Variants in RBFOX1 observed in about 807,000 individuals in gnomAD.
RBFOX1 encodes RNA binding protein fox-1 homolog 1.
In RBFOX1, 8 loss-of-function variants were observed where a neutral mutation model predicts 57.7. That is an observed-to-expected ratio of 0.14 (90% confidence interval 0.08 to 0.25). The LOEUF is 0.25. RBFOX1 is among the 10% of genes least tolerant of loss of function. RBFOX1 has a pLI of 1.00. For missense variants in RBFOX1, 611 were observed against 548.5 expected (o/e 1.11, Z -1.14); for synonymous variants, 326 against 222.4 (o/e 1.47, Z -4.15).
At chr16:7,048,258 T>TTTTG (rs557551646) in intron 3 of RBFOX1, among the ~76,000 whole-genome samples, 1 of 151,766 alleles carries the variant, frequency 6.6e-6, no homozygotes, top group Non-Finnish European at 1.5e-5. Context: ...TTTTGTTTTG[T>TTTTG]TTTGTTTGTT....
chr16:5,638,338 A>T (rs936349820), intron 3 of RBFOX1, among the ~76,000 whole-genome samples: 1 of 152,184 alleles, frequency 6.6e-6, no homozygotes, highest in Non-Finnish European at 1.5e-5. Context: ...CACAGAGGTG[A>T]TTAAAGATGC....
At chr16:5,874,822 G>A (rs184356879) in intron 4 of RBFOX1, among the ~76,000 whole-genome samples, 2 of 152,122 alleles carry the variant, frequency 1.3e-5, no homozygotes, top group Non-Finnish European at 2.9e-5. Flanking sequence ...GTGCACACCT[G>A]TAATCTTGGC....
intron 4 of RBFOX1, among the ~76,000 whole-genome samples, chr16:7,197,587 A>G (rs1425534492): frequency 6.6e-6 from 1 of 152,228 alleles, no homozygotes; most frequent in African/African-American, 2.4e-5. Context: ...TATTTGCAGT[A>G]ACATTGAAAA....
At chr16:7,003,212 G>T (rs946535135) in intron 3 of RBFOX1, among the ~76,000 whole-genome samples, 9 of 152,130 alleles carry the variant, frequency 5.9e-5, no homozygotes, top group Non-Finnish European at 1.0e-4. Flanking sequence ...TGTAATCCCA[G>T]CACTTTGGGA....
chr16:6,814,616 A>G (rs760051036), intron 3 of RBFOX1, among the ~76,000 whole-genome samples: 1 of 152,198 alleles, frequency 6.6e-6, no homozygotes, highest in Non-Finnish European at 1.5e-5. Context: ...ATGGCAGTTA[A>G]GGACAGAGCT....
chr16:5,643,688 C>T (rs899884423), intron 3 of RBFOX1, among the ~76,000 whole-genome samples: 2 of 152,170 alleles, frequency 1.3e-5, no homozygotes, highest in Admixed American at 6.5e-5. Flanking sequence ...CCTGGATCTA[C>T]TTAGATGCAC....
chr16:5,376,859 G>T (rs1016794676), intron 1 of RBFOX1, among the ~76,000 whole-genome samples: 1 of 151,680 alleles, frequency 6.6e-6, no homozygotes, highest in Non-Finnish European at 1.5e-5. Flanking sequence ...GGCAGGGGGA[G>T]CAGGTTCTGC....
At chr16:7,667,247 C>T (rs2069654492) in intron 13 of RBFOX1, among the ~76,000 whole-genome samples, 1 of 152,146 alleles carries the variant, frequency 6.6e-6, no homozygotes, top group Non-Finnish European at 1.5e-5. Context: ...TGGTGTGCAT[C>T]CGTGTGTATA....
At position 6,692,796 on chromosome 16, in the gene RBFOX1, T is replaced by C. The variant is rs118162973; in HGVS notation, c.-16+38146T>C. 1.7e-3 allele frequency among the ~76,000 whole-genome samples: 259 copies of C among 152,188 alleles called. No individual in the cohort carries two copies. In the East Asian group the frequency reaches 0.03, roughly 17 times the overall value. ...ACATCATCATCATGATCATTGTCAC[T>C]ATCAGTACTATCACTACCATCATCA... On this transcript the variant is annotated intron_variant, in intron 3 of 15. Transcript: ENST00000550418.
intron 2 of RBFOX1, among the ~76,000 whole-genome samples, chr16:5,587,375 G>A (rs1409993252): frequency 6.6e-6 from 1 of 152,216 alleles, no homozygotes; most frequent in Non-Finnish European, 1.5e-5. Flanking sequence ...CAAAACTGCA[G>A]GGAGATACCA....
At chr16:5,552,641 G>C (rs1429733805) in intron 2 of RBFOX1, among the ~76,000 whole-genome samples, 2 of 152,172 alleles carry the variant, frequency 1.3e-5, no homozygotes, top group African/African-American at 2.4e-5. Context: ...AAGTTGGCCA[G>C]TAAAATAGAA....
intron 1 of RBFOX1, among the ~76,000 whole-genome samples, chr16:6,193,379 T>TATATAATATATA (rs1555545337): frequency 1.4e-4 from 9 of 63,124 alleles, no homozygotes; most frequent in African/African-American, 4.6e-4. Context: ...TATATATACA[T>TATATAATATATA]TATATATATA....
chr16:6,915,183 T>A (rs1349862094), intron 3 of RBFOX1, among the ~76,000 whole-genome samples: 2 of 152,142 alleles, frequency 1.3e-5, no homozygotes, highest in Non-Finnish European at 1.5e-5. Flanking sequence ...GCTGCTGCTT[T>A]CCCCAGGCTC....
intron 1 of RBFOX1, among the ~76,000 whole-genome samples, chr16:5,251,508 A>G (rs1452406150): frequency 6.6e-6 from 1 of 152,208 alleles, no homozygotes; most frequent in Non-Finnish European, 1.5e-5. Flanking sequence ...TTATAGAGTG[A>G]TTGAGTGGCA....
chr16:6,504,359 T>C (rs1305565020), intron 2 of RBFOX1, among the ~76,000 whole-genome samples: 1 of 152,218 alleles, frequency 6.6e-6, no homozygotes, highest in Non-Finnish European at 1.5e-5. Context: ...GACAGTTTAT[T>C]TCAGAGATCA....
intron 2 of RBFOX1, among the ~76,000 whole-genome samples, chr16:6,516,933 C>T (rs949806097): frequency 2.6e-5 from 4 of 152,118 alleles, no homozygotes; most frequent in Non-Finnish European, 4.4e-5. Context: ...GAAAACTAAC[C>T]GCTTTCCTCC....
At chr16:6,091,633 C>T (rs1247117943) in intron 1 of RBFOX1, among the ~76,000 whole-genome samples, 1 of 152,150 alleles carries the variant, frequency 6.6e-6, no homozygotes, top group Non-Finnish European at 1.5e-5. Context: ...AGTTCGAGAC[C>T]AGCCTGGCCA....
intron 3 of RBFOX1, among the ~76,000 whole-genome samples, chr16:6,887,311 T>C (rs1159948738): frequency 6.6e-6 from 1 of 152,168 alleles, no homozygotes; most frequent in African/African-American, 2.4e-5. Context: ...TAAAGGGCTT[T>C]GATGGTGGGA....
chr16:6,851,454 T>C (rs1040941859), intron 3 of RBFOX1, among the ~76,000 whole-genome samples: 2 of 152,220 alleles, frequency 1.3e-5, no homozygotes, highest in Non-Finnish European at 2.9e-5. Context: ...TCTACAGTTA[T>C]CTCAAAAAGT....
Sources: gnomAD v4.1 joint callset for allele counts (sites outside exome capture counted in the v4.1 genomes callset) on GRCh38, gnomAD v4.1.1 for gene constraint, MANE v1.5 for transcripts, NCBI Gene and HGNC (gene_info 2026-07-23, HGNC 2026-07-21) for gene names.